The following APBA1 variants were observed in gnomAD, a reference collection of about 807,000 sequenced individuals.
APBA1 encodes amyloid beta precursor protein binding family A member 1, also known as amyloid-beta A4 precursor protein-binding family A member 1.
Under a neutral mutation model 86.6 loss-of-function variants are expected in APBA1, and 55 were observed. The ratio of observed to expected loss-of-function variants is 0.64; its 90% CI spans 0.51 to 0.80. APBA1 has a LOEUF of 0.80. Among genes scored for constraint, APBA1 ranks in the 30% least tolerant of loss-of-function variants. APBA1 has a pLI of 0.00. For missense variants in APBA1, 1,090 were observed against 1,183.0 expected (o/e 0.92, Z 1.15); for synonymous variants, 511 against 493.9 (o/e 1.03, Z -0.46).
At position 69,431,264 on chromosome 9, in the gene APBA1, A is replaced by G; in HGVS notation, c.*63T>C. On this transcript the variant is annotated 3_prime_UTR_variant, in exon 13 of 13. Transcript: ENST00000265381. Reference sequence around the variant, plus strand: ...AAAGTCTCAGTGGACACAGGGATGCAGCACGAGAAACACAACCACGAAGAG... The same window carrying G: ...AAAGTCTCAGTGGACACAGGGATGCGGCACGAGAAACACAACCACGAAGAG... The G allele has an allele frequency of 7.4e-7, 1 of 1,345,224 alleles. No homozygotes were observed. The highest frequency in any genetic ancestry group is 1.0e-6 in the Non-Finnish European group (1 of 981,700). The allele number at this position is 1,345,224 out of a possible 1,614,324, so 83.3% of individuals were successfully genotyped here.
At chr9:69,440,889 T>C (rs1834808270) in intron 11 of APBA1, 107 bp downstream of exon 11, 1 of 1,377,000 alleles carries the variant, frequency 7.3e-7, no homozygotes, top group Middle Eastern at 1.8e-4. Context: ...CTGGGAGTTG[T>C]AGACTGGAGC....
intron 2 of APBA1, among the ~76,000 whole-genome samples, chr9:69,491,828 G>A (rs952579438): frequency 2.7e-5 from 4 of 148,704 alleles, no homozygotes; most frequent in East Asian, 4.0e-4. Context: ...GCAGTGGTGC[G>A]ATCTCAGTTC....
chr9:69,661,667 G>A (rs972713454), intron 1 of APBA1, among the ~76,000 whole-genome samples: 1 of 152,140 alleles, frequency 6.6e-6, no homozygotes, highest in Non-Finnish European at 1.5e-5. Context: ...AGGTGCATGG[G>A]TCATGGGGGG....
chr9:69,625,745 C>G (rs568391660), intron 1 of APBA1, among the ~76,000 whole-genome samples: 1 of 152,126 alleles, frequency 6.6e-6, no homozygotes, highest in African/African-American at 2.4e-5. Context: ...AAAAGCATTA[C>G]TAAAATTTGA....
chr9:69,498,889 T>C (rs772067148), intron 2 of APBA1, among the ~76,000 whole-genome samples: 8 of 152,120 alleles, frequency 5.3e-5, no homozygotes, highest in Non-Finnish European at 1.0e-4. Context: ...CAGCTCAGCT[T>C]AATCACTTTG....
At chr9:69,535,740 C>G (rs1421217096) in intron 1 of APBA1, among the ~76,000 whole-genome samples, 1 of 152,046 alleles carries the variant, frequency 6.6e-6, no homozygotes, top group Non-Finnish European at 1.5e-5. Flanking sequence ...TATTTTTCCC[C>G]AGGCCCCCTC....
At chr9:69,522,213 T>C (rs1310239914) in intron 1 of APBA1, among the ~76,000 whole-genome samples, 1 of 152,060 alleles carries the variant, frequency 6.6e-6, no homozygotes, top group Non-Finnish European at 1.5e-5. Context: ...TTGTCATGTA[T>C]CTTTGATTTT....
intron 1 of APBA1, among the ~76,000 whole-genome samples, chr9:69,641,874 C>T (rs1338943558): frequency 1.3e-5 from 2 of 152,152 alleles, no homozygotes; most frequent in Non-Finnish European, 2.9e-5. Context: ...GACAGAGTCT[C>T]TCGCTCTGTC....
chr9:69,469,723 A>G (rs530596641), intron 4 of APBA1, among the ~76,000 whole-genome samples: 47 of 152,346 alleles, frequency 3.1e-4, no homozygotes, highest in African/African-American at 1.1e-3. Flanking sequence ...AAAATAATAT[A>G]TGAACAGGTC....
At chr9:69,441,162 A>C (rs375234108) in intron 10 of APBA1, 47 bp from the exon 11 acceptor site, 418 of 1,576,308 alleles carry the variant, frequency 2.7e-4, no homozygotes, top group Non-Finnish European at 3.5e-4. Context: ...ACTGAGGCAG[A>C]CAGAATAAAC....
intron 1 of APBA1, among the ~76,000 whole-genome samples, chr9:69,534,504 C>T (rs1836480733): frequency 6.6e-6 from 1 of 152,074 alleles, no homozygotes; most frequent in Non-Finnish European, 1.5e-5. Context: ...TCCTGGATCC[C>T]TGAATCAACC....
Position 69,648,097 on chromosome 9 carries a change from C to G in APBA1, c.-70+24056G>C, listed in dbSNP as rs183284488. Among the ~76,000 whole-genome samples, 618 of 152,304 alleles carry G rather than the reference C, an allele frequency of 4.1e-3. 4 individuals are homozygous for G. The highest frequency in any genetic ancestry group is 0.014 in the African/African-American group (591 of 41,566). On this transcript the variant is annotated intron_variant, in intron 1 of 12. Transcript: ENST00000265381. ...CTTATAGCATTGGACAGATGAAGGGCTGGTTACCTGTCAGGAAGTGAAGAG... is the reference window on the plus strand; with the variant it reads ...CTTATAGCATTGGACAGATGAAGGGGTGGTTACCTGTCAGGAAGTGAAGAG...
Position 69,517,062 on chromosome 9 carries a change from C to A in APBA1, c.149G>T (p.Arg50Leu). 2 of 1,583,396 alleles carry A rather than the reference C, an allele frequency of 1.3e-6. No individual in the cohort carries two copies. The highest frequency in any genetic ancestry group is 2.3e-5 in the East Asian group (1 of 43,964). Residue 50 changes from arginine to leucine, a missense_variant, in exon 2 of 13, where the codon CGC becomes CTC. Around this residue, in one of 6 missense-constraint regions of APBA1, gnomAD observed 678 missense variants for 647.1 expected, o/e 1.05. Coordinates refer to ENST00000265381, the MANE Select transcript of APBA1 (RefSeq NM_001163.4). ...QPPQQQHYVG[R>L]HQRGRALEDL... is the part of the protein sequence containing the mutation. ...CTCGAGGGCTCGCCCGCGCTGGTGG[C>A]GGCCCACATAGTGCTGCTGCTGCGG...
intron 1 of APBA1, among the ~76,000 whole-genome samples, chr9:69,666,533 C>T (rs1564107297): frequency 6.6e-6 from 1 of 151,976 alleles, no homozygotes; most frequent in African/African-American, 2.4e-5. Context: ...AAGGACATGC[C>T]TCCCCCCACC....
At chr9:69,471,746 G>A in intron 3 of APBA1, 51 bp from the exon 4 acceptor site, 1 of 1,406,504 alleles carries the variant, frequency 7.1e-7, no homozygotes. Flanking sequence ...AATGAAATAT[G>A]AATTAACACA....
intron 1 of APBA1, among the ~76,000 whole-genome samples, chr9:69,595,934 C>T (rs1157037635): frequency 6.6e-6 from 1 of 152,042 alleles, no homozygotes; most frequent in Non-Finnish European, 1.5e-5. Flanking sequence ...CTCTAGACAC[C>T]CCCACACAAT....
intron 1 of APBA1, among the ~76,000 whole-genome samples, chr9:69,618,436 C>T (rs1822748658): frequency 6.6e-6 from 1 of 152,200 alleles, no homozygotes; most frequent in Non-Finnish European, 1.5e-5. Context: ...TTCCAACCAA[C>T]TCAAAGCTCA....
intron 5 of APBA1, chr9:69,463,929 T>C (rs1184426793): frequency 6.6e-6 from 1 of 152,276 alleles, no homozygotes; most frequent in African/African-American, 2.4e-5. Context: ...CTATAAAGTC[T>C]GCAGCTTTGC....
In APBA1 at chr9:69,636,890, A is replaced by AGAAGGAAGGAAGGAAG. The variant is rs1284734460; in HGVS notation, c.-70+35247_-70+35262dup. On this transcript the variant is annotated intron_variant, in intron 1 of 12. Transcript: ENST00000265381. Reference sequence around the variant, plus strand: ...GAGAGAGAAAGAAAGAAGGAAGGAAAGAAGGAAGGAAGGAAGGAAGGAAGG... The same window carrying AGAAGGAAGGAAGGAAG: ...GAGAGAGAAAGAAAGAAGGAAGGAAAGAAGGAAGGAAGGAAGGAAGGAAGGAAGGAAGGAAGGAAGG... Among the ~76,000 whole-genome samples the AGAAGGAAGGAAGGAAG allele has an allele frequency of 7.0e-3, 164 of 23,508 alleles. 12 individuals carry two copies. The highest frequency in any genetic ancestry group is 8.6e-3 in the Non-Finnish European group (92 of 10,750). 15.4% of individuals were successfully genotyped at this position (23,508 alleles called of 152,430 possible). A position where few individuals can be genotyped will look rare whatever the true frequency, so the allele number is the denominator to read the frequency against.
Sources: gnomAD v4.1 joint callset for allele counts (sites outside exome capture counted in the v4.1 genomes callset) on GRCh38, gnomAD v4.1.1 for gene constraint, gnomAD v4.1.1 regional missense constraint, MANE v1.5 for transcripts, NCBI Gene and HGNC (gene_info 2026-07-23, HGNC 2026-07-21) for gene names.